The following LRRN4 variants were observed in gnomAD, a reference collection of about 807,000 sequenced individuals.
LRRN4 encodes the protein leucine rich repeat neuronal 4.
Under a neutral mutation model 22.3 loss-of-function variants are expected in LRRN4, and 26 were observed. The observed-to-expected ratio is 1.16, with a 90% CI of 0.85 to 1.62. The LOEUF is 1.62. Among genes scored for constraint, LRRN4 ranks in the 40% most tolerant of loss-of-function variants. The pLI is 0.00. For synonymous variants in LRRN4, 496 were observed against 486.2 expected, an observed-to-expected ratio of 1.02 and a Z score of -0.26; for missense variants, 1,070 against 1,008.5, an observed-to-expected ratio of 1.06 and a Z score of -0.83.
chr20:6,044,602 G>C lies in LRRN4; in HGVS notation c.939C>G (p.Leu313=). 1 of 1,594,946 alleles carries C rather than the reference G, an allele frequency of 6.3e-7. No homozygotes were observed. The highest frequency in any genetic ancestry group is 1.3e-5 in the African/African-American group (1 of 74,610). Residue 313 remains leucine, a synonymous_variant, in exon 4 of 5, where the codon CTC becomes CTG. Coordinates refer to ENST00000378858, the MANE Select transcript of LRRN4 (RefSeq NM_152611.5). Reference sequence around the variant, plus strand: ...GCCAAGACAAGTCACAACTGCAAGTGAGGGGGTTGCCAAAGAGGTTGATCG... The same window carrying C: ...GCCAAGACAAGTCACAACTGCAAGTCAGGGGGTTGCCAAAGAGGTTGATCG... The part of the protein sequence containing the change: ...VLSINLFGNP[L]TCSCDLSWLL...
chr20:6,043,560 G>A (rs1416200156), intron 4 of LRRN4, among the ~76,000 whole-genome samples: 1 of 152,120 alleles, frequency 6.6e-6, no homozygotes, highest in Non-Finnish European at 1.5e-5. Context: ...GGAATGTGGG[G>A]TTGGGGGGCA....
rs1210453972 is a variant in LRRN4, at chr20:6,050,741, T to C, written c.860+38A>G. ...TTCAACATAGCGTAATGGGCAAAAA[T>C]CAGTCATGTGATGAAGATGTGCCTC... On this transcript the variant is annotated intron_variant, in intron 3 of 4. Transcript: ENST00000378858. The C allele has an allele frequency of 3.8e-6, 6 of 1,591,078 alleles. No homozygotes were observed. The African/African-American group carries it at 5.4e-5, about 14-fold the overall frequency.
At position 6,044,798 on chromosome 20, in the gene LRRN4, T is replaced by C. The variant is rs979592274; in HGVS notation, c.861-118A>G. 5.3e-6 allele frequency: 5 copies of C among 950,218 alleles called. No homozygotes were observed. In the African/African-American group the frequency reaches 8.5e-5, roughly 16 times the overall value. The allele number at this position is 950,218 out of a possible 1,614,324, so 58.9% of individuals were successfully genotyped here. On this transcript the variant is annotated intron_variant, in intron 3 of 4. Transcript: ENST00000378858. ...GGTATCAGAAGCATTCTGATAGGGG[T>C]TGGAGAATACCGCTTTGGGCAAAAC...
intron 3 of LRRN4, among the ~76,000 whole-genome samples, chr20:6,046,592 A>C (rs992925155): frequency 2.0e-5 from 3 of 148,538 alleles, no homozygotes; most frequent in Non-Finnish European, 3.0e-5. Flanking sequence ...TGCATTTTAC[A>C]TTCAAGTCTC....
chr20:6,048,548 A>C (rs1981163687), intron 3 of LRRN4, among the ~76,000 whole-genome samples: 1 of 152,214 alleles, frequency 6.6e-6, no homozygotes, highest in Admixed American at 6.5e-5. Context: ...AATGTATTTA[A>C]CATCCCTGTG....
chr20:6,041,656 T>C lies in LRRN4; in HGVS notation c.1589A>G (p.Glu530Gly). 6.2e-7 allele frequency: 1 copy of C among 1,609,710 alleles called. No individual in the cohort carries two copies. Among genetic ancestry groups the C allele is most frequent in the Non-Finnish European group, 8.5e-7 (1 of 1,177,468 alleles). The change falls in exon 5 of 5, where the codon GAG becomes GGG. Residue 530 changes from glutamate to glycine, a missense_variant. Coordinates refer to ENST00000378858, the MANE Select transcript of LRRN4 (RefSeq NM_152611.5). This position sits in a 1 kb window ranked among gnomAD's most constrained non-coding sequence, Gnocchi z 9.4. The stretch of plus-strand genomic sequence containing the variant: ...CACCTCCTCCTTCCTCCCTTCCTCC[T>C]CCTCACTGTAGTCGTCCAGCAGCAA... ...PVLLLDDYSE[E>G]EEGRKEEVGT...
At position 6,052,534 on chromosome 20, in the gene LRRN4, G is replaced by C; in HGVS notation, c.266C>G (p.Ala89Gly). ...GTGGCCGAGCTCGGAAGTGCTCAGG[G>C]CGCGCAGCAGGTTGTGGCTGGCGTC... ...SLDASHNLLR[A>G]LSTSELGHLE... Residue 89 changes from alanine (A) to glycine (G), a missense_variant, in exon 2 of 5, where the codon GCC becomes GGC. By Grantham distance (60) the Ala-to-Gly change is moderately conservative. Transcript: ENST00000378858. 3 of 1,588,058 alleles carry C rather than the reference G, an allele frequency of 1.9e-6. No homozygotes were observed. Among genetic ancestry groups the C allele is most frequent in the Non-Finnish European group, 2.6e-6 (3 of 1,175,042 alleles).
Position 6,041,448 on chromosome 20 carries a change from G to A in LRRN4, c.1797C>T (p.His599=). 6.4e-7 allele frequency: 1 copy of A among 1,554,956 alleles called. No homozygotes were observed. The highest frequency in any genetic ancestry group is 8.7e-7 in the Non-Finnish European group (1 of 1,148,790). ...GCACTACCGAGTTGGGGGCACACCA[G>A]TGGACCAGCGCCGACGTGTCCGTGG... ...TETTDTSALV[H]WCAPNSVVHG... The change falls in exon 5 of 5, where the codon CAC becomes CAT. Residue 599 remains histidine, a synonymous_variant. Coordinates refer to ENST00000378858, the MANE Select transcript of LRRN4 (RefSeq NM_152611.5). The surrounding 1 kb of genome is among the most constrained non-coding windows in gnomAD (Gnocchi z 9.4).
intron 3 of LRRN4, among the ~76,000 whole-genome samples, chr20:6,048,171 C>G (rs1159327447): frequency 1.3e-5 from 2 of 152,174 alleles, no homozygotes; most frequent in African/African-American, 2.4e-5. Context: ...CAACCACTCC[C>G]TCCCTCCTTA....
At chr20:6,052,087 C>T in intron 2 of LRRN4, 58 bp downstream of exon 2, 1 of 1,517,004 alleles carries the variant, frequency 6.6e-7, no homozygotes, top group Non-Finnish European at 8.8e-7. Context: ...CCCCGGAGCG[C>T]ACGCGCAGCC....
At chr20:6,050,693 A>T in intron 3 of LRRN4, 86 bp downstream of exon 3, 1 of 1,283,742 alleles carries the variant, frequency 7.8e-7, no homozygotes, top group Non-Finnish European at 1.1e-6. Flanking sequence ...GAGAAAAATT[A>T]AGGTCTGGTT....
At chr20:6,043,120 G>T (rs755637037) in intron 4 of LRRN4, among the ~76,000 whole-genome samples, 6 of 152,140 alleles carry the variant, frequency 3.9e-5, no homozygotes, top group Non-Finnish European at 7.4e-5. Flanking sequence ...ATCAACAGTA[G>T]TAAGTAGACC....
In LRRN4 at chr20:6,050,960, G is replaced by C; in HGVS notation, c.679C>G (p.Leu227Val). ...ERVESGWIRD[L>V]PKLTSLYLRK... is the part of the protein sequence containing the mutation. ...AGGTAGAGGGATGTGAGCTTCGGCA[G>C]GTCTCTGATCCACCCTGACTCAACT... The change falls in exon 3 of 5, where the codon CTG (leucine) becomes GTG (valine). Residue 227 changes from leucine (L) to valine (V), a missense_variant. Physicochemically the swap from Leu to Val is conservative, Grantham distance 32. Transcript: ENST00000378858. 6.2e-7 allele frequency: 1 copy of C among 1,614,028 alleles called. No homozygotes were observed. Among genetic ancestry groups the C allele is most frequent in the Middle Eastern group, 1.7e-4 (1 of 5,982 alleles).
Position 6,040,930 on chromosome 20 carries a change from C to A in LRRN4, c.*92G>T. 1 of 1,539,354 alleles carries A rather than the reference C, an allele frequency of 6.5e-7. No individual in the cohort carries two copies. Among genetic ancestry groups the A allele is most frequent in the Non-Finnish European group, 8.8e-7 (1 of 1,138,040 alleles). On this transcript the variant is annotated 3_prime_UTR_variant, in exon 5 of 5. Coordinates refer to ENST00000378858, the MANE Select transcript of LRRN4 (RefSeq NM_152611.5). Reference sequence around the variant, plus strand: ...TTCTGGCTTCACGGGAATTAGAAACCCTAGGAGCGGATGGGGTCGTTTTTG... The same window carrying A: ...TTCTGGCTTCACGGGAATTAGAAACACTAGGAGCGGATGGGGTCGTTTTTG...
chr20:6,052,359 G>A lies in LRRN4; in HGVS notation c.441C>T (p.Ser147=). 1 of 1,510,602 alleles carries A rather than the reference G, an allele frequency of 6.6e-7. No homozygotes were observed. Among genetic ancestry groups the A allele is most frequent in the East Asian group, 2.6e-5 (1 of 38,158 alleles). The allele number at this position is 1,510,602 out of a possible 1,614,324, so 93.6% of individuals were successfully genotyped here. A position where few individuals can be genotyped will look rare whatever the true frequency, so the allele number is the denominator to read the frequency against. Residue 147 remains serine, a synonymous_variant, in exon 2 of 5, where the codon AGC becomes AGT. Transcript: ENST00000378858. ...TCCCGGCGAGCGCCAGGGCGCGGAG[G>A]CTGCTCAGCGCGGGCCCGGTGCACG... The part of the protein sequence containing the change: ...LPPCTGPALS[S]LRALALAGNP...
chr20:6,043,359 G>A (rs1267039246), intron 4 of LRRN4, among the ~76,000 whole-genome samples: 2 of 152,192 alleles, frequency 1.3e-5, no homozygotes, highest in Non-Finnish European at 2.9e-5. Context: ...AGGCTGCAGT[G>A]AGCCATGATC....
intron 3 of LRRN4, among the ~76,000 whole-genome samples, chr20:6,048,241 C>T (rs929009226): frequency 1.4e-4 from 20 of 142,284 alleles, no homozygotes; most frequent in African/African-American, 5.0e-4. Flanking sequence ...TGCTACTCCA[C>T]TGGTCATACC....
rs764789750 is a variant in LRRN4, at chr20:6,044,560, CTT to C, written c.979_980del (p.Lys327GlufsTer84). The C allele has an allele frequency of 4.4e-6, 7 of 1,583,374 alleles. No individual in the cohort carries two copies. In the African/African-American group the frequency reaches 8.1e-5, roughly 18 times the overall value. On this transcript the variant is annotated frameshift_variant, in exon 4 of 5. Transcript: ENST00000378858. LOFTEE classifies it low-confidence loss of function (END_TRUNC). The stretch of plus-strand genomic sequence containing the variant: ...TGTGTTACCTGCTTAGGACAGTTCT[CTT>C]TGCATCCGTGAGGAGCCAAGACAAG... ...CDLSWLLTDA[K>X]RTVLSRAADT...
intron 3 of LRRN4, among the ~76,000 whole-genome samples, chr20:6,046,442 C>T (rs1328184155): frequency 6.7e-6 from 1 of 148,660 alleles, no homozygotes; most frequent in Non-Finnish European, 1.5e-5. Flanking sequence ...CAGATCTGCT[C>T]CTGGCTCCCT....
Sources: allele counts gnomAD v4.1 joint callset (sites outside exome capture counted in the v4.1 genomes callset), GRCh38; gene constraint gnomAD v4.1.1; non-coding constraint Gnocchi (gnomAD v3.1); transcripts MANE v1.5; gene names NCBI Gene and HGNC (gene_info 2026-07-23, HGNC 2026-07-21).